METTL9: variants seen among roughly 807,000 people sequenced by gnomAD.
The protein encoded by METTL9 is methyltransferase 9, His-X-His N1(pi)-histidine.
Under a neutral mutation model 36.0 loss-of-function variants are expected in METTL9, and 10 were observed. That is an observed-to-expected ratio of 0.28 (90% CI 0.17 to 0.47). METTL9 has a LOEUF of 0.47. Ranked by LOEUF, METTL9 falls within the 20% of genes least tolerant of loss-of-function variation. The pLI is 0.99. For missense variants in METTL9, 246 were observed against 383.5 expected (o/e 0.64, Z 3.00); for synonymous variants, 175 against 149.7 (o/e 1.17, Z -1.23).
intron 4 of METTL9, among the ~76,000 whole-genome samples, chr16:21,638,263 A>G (rs1455922691): frequency 6.6e-6 from 1 of 152,210 alleles, no homozygotes; most frequent in Non-Finnish European, 1.5e-5. Flanking sequence ...GGTTGCAGTG[A>G]GCCGAGATCA....
At chr16:21,621,846 C>G (rs1359649257) in intron 3 of METTL9, among the ~76,000 whole-genome samples, 1 of 151,880 alleles carries the variant, frequency 6.6e-6, no homozygotes, top group Non-Finnish European at 1.5e-5. Flanking sequence ...AAGTTTAGAG[C>G]TCTCCCAACC....
chr16:21,616,777 C>T (rs960341109), intron 2 of METTL9, among the ~76,000 whole-genome samples: 3 of 152,186 alleles, frequency 2.0e-5, no homozygotes, highest in Non-Finnish European at 2.9e-5. Context: ...TATACTAAAG[C>T]TCTTTTTTCC....
chr16:21,638,398 G>T (rs1397634319), intron 4 of METTL9, among the ~76,000 whole-genome samples: 1 of 152,190 alleles, frequency 6.6e-6, no homozygotes, highest in African/African-American at 2.4e-5. Context: ...GGGGTTTGTT[G>T]AATGGTCTTT....
chr16:21,641,697 C>G (rs1015154191), intron 4 of METTL9: 4 of 604,366 alleles, frequency 6.6e-6, no homozygotes, highest in Non-Finnish European at 1.2e-5. Context: ...ATTCTGGGTC[C>G]TAAGTGTCCA....
intron 1 of METTL9, among the ~76,000 whole-genome samples, chr16:21,610,622 T>C (rs1965405055): frequency 1.3e-5 from 2 of 152,350 alleles, no homozygotes; most frequent in South Asian, 2.1e-4. Context: ...TGTTGATGAA[T>C]TGAGAAAAAT....
At chr16:21,629,921 G>T (rs745724985) in intron 4 of METTL9, among the ~76,000 whole-genome samples, 7 of 152,146 alleles carry the variant, frequency 4.6e-5, no homozygotes, top group Non-Finnish European at 1.0e-4. Context: ...GTGCTGATTG[G>T]TGCGTTTACA....
rs1316134222 is a variant in METTL9 at position 21,652,399 on chromosome 16, TA to T, written c.752-2827del. On this transcript the variant is annotated intron_variant, in intron 4 of 4. Transcript: ENST00000358154. ...TATTTCTCAGGGGAAAAAGGAAACT[TA>T]TCCTCTTAGGCAGTTTTCATAATGT... 4 of 583,326 alleles carry T rather than the reference TA, an allele frequency of 6.9e-6. No homozygotes were observed. The African/African-American group carries it at 7.7e-5, about 11-fold the overall frequency. 36.1% of individuals were successfully genotyped at this position (583,326 alleles called of 1,614,324 possible).
intron 4 of METTL9, among the ~76,000 whole-genome samples, chr16:21,641,781 C>CTT: frequency 6.8e-6 from 1 of 147,026 alleles, no homozygotes. Context: ...CTGAAAAATA[C>CTT]TTTTTTTTTT....
At chr16:21,635,763 C>T (rs1391604068) in intron 4 of METTL9, among the ~76,000 whole-genome samples, 1 of 152,092 alleles carries the variant, frequency 6.6e-6, no homozygotes, top group Non-Finnish European at 1.5e-5. Context: ...ATCTGAAAGA[C>T]AAAACCGCCT....
intron 3 of METTL9, among the ~76,000 whole-genome samples, chr16:21,618,820 TCTC>T (rs1271316854): frequency 6.6e-6 from 1 of 152,004 alleles, no homozygotes; most frequent in Non-Finnish European, 1.5e-5. Flanking sequence ...TTCAAGCAAT[TCTC>T]CTGCCTCAGC....
intron 4 of METTL9, among the ~76,000 whole-genome samples, chr16:21,631,999 A>T (rs563988031): frequency 8.8e-5 from 13 of 147,112 alleles, no homozygotes; most frequent in Admixed American, 8.1e-4. Flanking sequence ...TTTCTCTCTG[A>T]CTCCCTCTGT....
At chr16:21,621,738 G>A (rs1965700261) in intron 3 of METTL9, among the ~76,000 whole-genome samples, 2 of 152,102 alleles carry the variant, frequency 1.3e-5, no homozygotes, top group Admixed American at 6.5e-5. Flanking sequence ...AAAACTAAAG[G>A]ATGTGGTTTT....
At chr16:21,599,450 G>C (rs1444024285), upstream of METTL9, 8 of 1,152,214 alleles carry the variant, frequency 6.9e-6, no homozygotes, top group Non-Finnish European at 8.5e-6. The surrounding 1 kb of genome is among the most constrained non-coding windows in gnomAD (Gnocchi z 4.4). Context: ...TGGACGGAGG[G>C]AGGGCGCCGG....
chr16:21,605,011 C>A (rs1324993788), intron 1 of METTL9, among the ~76,000 whole-genome samples: 1 of 152,004 alleles, frequency 6.6e-6, no homozygotes, highest in Non-Finnish European at 1.5e-5. Flanking sequence ...CCAGGCACTT[C>A]AAATATATTA....
At chr16:21,636,935 T>A (rs1394901849) in intron 4 of METTL9, among the ~76,000 whole-genome samples, 1 of 152,174 alleles carries the variant, frequency 6.6e-6, no homozygotes, top group Non-Finnish European at 1.5e-5. Flanking sequence ...GATAGTCCCA[T>A]CTGGGTCGCC....
chr16:21,632,030 T>C (rs1176929646), intron 4 of METTL9, among the ~76,000 whole-genome samples: 1 of 152,186 alleles, frequency 6.6e-6, no homozygotes, highest in Non-Finnish European at 1.5e-5. Context: ...CTTCCCTTTC[T>C]GCTGGTTTTT....
intron 2 of METTL9, among the ~76,000 whole-genome samples, chr16:21,615,498 G>A (rs970892163): frequency 6.6e-6 from 1 of 152,002 alleles, no homozygotes; most frequent in Non-Finnish European, 1.5e-5. Flanking sequence ...CAAAATGCTG[G>A]GATTACAGAC....
At chr16:21,643,218 C>T in intron 4 of METTL9, 3 of 1,263,482 alleles carry the variant, frequency 2.4e-6, no homozygotes, top group South Asian at 1.2e-5. Flanking sequence ...AACGACGCAT[C>T]ATCAGAACTT....
chr16:21,617,754 A>C, intron 2 of METTL9, 111 bp from the exon 3 acceptor site: 5 of 975,090 alleles, frequency 5.1e-6, no homozygotes, highest in Non-Finnish European at 8.0e-6. Context: ...TTAACCATGT[A>C]ATAAGTGATT....
Sources: gnomAD v4.1 joint callset for allele counts (sites outside exome capture counted in the v4.1 genomes callset) on GRCh38, gnomAD v4.1.1 for gene constraint, Gnocchi (gnomAD v3.1) non-coding constraint, MANE v1.5 for transcripts, NCBI Gene and HGNC (gene_info 2026-07-23, HGNC 2026-07-21) for gene names.